The following MCOLN1 variants were observed in gnomAD, a reference collection of about 807,000 sequenced individuals.
The protein encoded by MCOLN1 is mucolipin-1.
In MCOLN1, 50 loss-of-function variants were observed where a neutral mutation model predicts 70.3. The observed-to-expected ratio is 0.71, with a 90% confidence interval of 0.57 to 0.90. The LOEUF (loss-of-function observed/expected upper bound fraction) is 0.90. Ranked by LOEUF, MCOLN1 falls within the 40% of genes least tolerant of loss-of-function variation. The pLI, the probability that MCOLN1 is intolerant of heterozygous loss-of-function variation, is 0.00. For synonymous variants in MCOLN1, 366 were observed against 341.0 expected (o/e 1.07, Z -0.81); for missense variants, 598 against 803.5 (o/e 0.74, Z 3.09).
At position 7,527,978 on chromosome 19, in the gene MCOLN1, C is replaced by T. The variant is rs1457590095; in HGVS notation, c.777+18C>T. The T allele has an allele frequency of 2.5e-6, 4 of 1,603,736 alleles. No individual in the cohort carries two copies. Among genetic ancestry groups the T allele is most frequent in the Non-Finnish European group, 3.4e-6 (4 of 1,170,592 alleles). On this transcript the variant is annotated intron_variant, in intron 6 of 13. Transcript: ENST00000264079. ...GCGTCCTGGTGAGGCCCCCCGGGAA[C>T]CCACAGGGCTCCTGAGTTCCAGGGC...
chr19:7,530,168 ATTCATGTGGGGCC>A, intron 11 of MCOLN1, 105 bp from the exon 12 acceptor site: 41 of 421,718 alleles, frequency 9.7e-5, no homozygotes, highest in Middle Eastern at 9.5e-4. Flanking sequence ...GGACCCGGCC[ATTCATGTGGGGCC>A]CCAGCCACCA....
chr19:7,528,038 G>A lies in MCOLN1; in HGVS notation c.777+78G>A. ...GTCAGGGAGTGTCTTGGGAGCACTG[G>A]CCAAGGGCAAGCGTGCGGGTGATGA... On this transcript the variant is annotated intron_variant, in intron 6 of 13. Transcript: ENST00000264079. The surrounding 1 kb of genome is among the most constrained non-coding windows in gnomAD (Gnocchi z 4.2). 1.3e-6 allele frequency: 2 copies of A among 1,535,446 alleles called. No individual in the cohort carries two copies. The highest frequency in any genetic ancestry group is 9.0e-7 in the Non-Finnish European group (1 of 1,108,816).
In MCOLN1 at chr19:7,530,382, C is replaced by T. The variant is rs2022638561; in HGVS notation, c.1456C>T (p.Arg486Cys). The stretch of plus-strand genomic sequence containing the variant: ...CGCCGCCATGCAGGCGCAGCAGGGC[C>T]GCAGCAGCCTGGTGTGGCTCTTCTC... ...TFAAMQAQQGRSSLVWLFSQL... is the reference protein window; with the variant it reads ...TFAAMQAQQGCSSLVWLFSQL... Residue 486 changes from arginine (R) to cysteine (C), a missense_variant, in exon 12 of 14, where the codon CGC becomes TGC. Coordinates refer to ENST00000264079, the MANE Select transcript of MCOLN1 (RefSeq NM_020533.3). The T allele has an allele frequency of 4.3e-6, 7 of 1,613,942 alleles. No individual in the cohort carries two copies. The highest frequency in any genetic ancestry group is 2.2e-5 in the East Asian group (1 of 44,882).
chr19:7,532,984 C>T (rs146672900), intron 12 of MCOLN1, among the ~76,000 whole-genome samples: 2 of 152,346 alleles, frequency 1.3e-5, no homozygotes, highest in Non-Finnish European at 2.9e-5. Flanking sequence ...CTCCATGAGG[C>T]CGAGTGAGAG....
chr19:7,530,981 T>C (rs1333470251), intron 12 of MCOLN1, among the ~76,000 whole-genome samples: 1 of 152,178 alleles, frequency 6.6e-6, no homozygotes, highest in Non-Finnish European at 1.5e-5. Flanking sequence ...CCTCAGGAGA[T>C]CTACTGCCTT....
rs756314123 is a variant in MCOLN1, at chr19:7,527,936, G to A, written c.753G>A (p.Pro251=). Reference sequence around the variant, plus strand: ...AGAGCCTCATCAATAATGAGATCCCGGACTGCTATACCTTCAGCGTCCTGG... The same window carrying A: ...AGAGCCTCATCAATAATGAGATCCCAGACTGCTATACCTTCAGCGTCCTGG... ...NLQSLINNEI[P]DCYTFSVLIT... Residue 251 remains proline (P), a synonymous_variant, in exon 6 of 14, where the codon CCG becomes CCA. Coordinates refer to ENST00000264079, the MANE Select transcript of MCOLN1 (RefSeq NM_020533.3). The A allele has an allele frequency of 2.5e-5, 41 of 1,613,980 alleles. No homozygotes were observed. Among genetic ancestry groups the A allele is most frequent in the Admixed American group, 1.7e-4 (10 of 60,006 alleles).
chr19:7,527,542 C>G lies in MCOLN1; in HGVS notation c.594C>G (p.Pro198=), dbSNP rs377757971. The change falls in exon 5 of 14, where the codon CCC becomes CCG. Residue 198 remains proline, a synonymous_variant. Transcript: ENST00000264079. ...VVTDCIQVDP[P]ERPPPPPSDD... ...TAGACTGCATCCAGGTGGATCCCCC[C>G]GAGCGGCCCCCTCCGCCCCCCAGCG... 11 of 1,583,204 alleles carry G rather than the reference C, an allele frequency of 6.9e-6. No individual in the cohort carries two copies. In the African/African-American group the frequency reaches 1.1e-4, roughly 15 times the overall value.
intron 12 of MCOLN1, among the ~76,000 whole-genome samples, chr19:7,532,475 AG>A (rs563220052): frequency 7.2e-4 from 98 of 135,560 alleles, no homozygotes; most frequent in African/African-American, 2.4e-3. Flanking sequence ...TGGGAGGCCG[AG>A]GGGGGGTGGG....
rs942253452 is a variant in MCOLN1 at position 7,522,657 on chromosome 19, C to G, written c.-94C>G. ...GCTGATGCCGGAGGGTTTGAAGCCGCGCCGCGAGGGAGCGAGGTCGCAGTG... is the reference window on the plus strand; with the variant it reads ...GCTGATGCCGGAGGGTTTGAAGCCGGGCCGCGAGGGAGCGAGGTCGCAGTG... On this transcript the variant is annotated 5_prime_UTR_variant, in exon 1 of 14. Coordinates refer to ENST00000264079, the MANE Select transcript of MCOLN1 (RefSeq NM_020533.3). The G allele has an allele frequency of 3.0e-6, 4 of 1,329,866 alleles. No individual in the cohort carries two copies. Among genetic ancestry groups the G allele is most frequent in the South Asian group, 3.0e-5 (2 of 66,764 alleles). 82.4% of individuals were successfully genotyped at this position (1,329,866 alleles called of 1,614,324 possible).
Position 7,526,959 on chromosome 19 carries a change from A to G in MCOLN1, c.571+33A>G. The G allele has an allele frequency of 6.2e-7, 1 of 1,613,522 alleles. No individual in the cohort carries two copies. The highest frequency in any genetic ancestry group is 8.5e-7 in the Non-Finnish European group (1 of 1,179,780). The stretch of plus-strand genomic sequence containing the variant: ...GGCAGGACGAGGCTTCACTGTTGGG[A>G]GCCTGAGCTGCTGGGATTAAAATCA... On this transcript the variant is annotated intron_variant, in intron 4 of 13. Coordinates refer to ENST00000264079, the MANE Select transcript of MCOLN1 (RefSeq NM_020533.3). This position sits in a 1 kb window ranked among gnomAD's most constrained non-coding sequence, Gnocchi z 4.6.
At position 7,524,877 on chromosome 19, in the gene MCOLN1, G is replaced by T. The variant is rs1458840478; in HGVS notation, c.32-84G>T. 1.8e-6 allele frequency: 2 copies of T among 1,101,278 alleles called. No individual in the cohort carries two copies. Among genetic ancestry groups the T allele is most frequent in the Non-Finnish European group, 2.8e-6 (2 of 726,844 alleles). The allele number at this position is 1,101,278 out of a possible 1,614,324, so 68.2% of individuals were successfully genotyped here. A position where few individuals can be genotyped will look rare whatever the true frequency, so the allele number is the denominator to read the frequency against. ...CAGGAGCATGGGGACATGAAGATAG[G>T]GCGTGTGCTGCCTTCCTGGTTGGAG... On this transcript the variant is annotated intron_variant, in intron 1 of 13. Transcript: ENST00000264079. The surrounding 1 kb of genome is among the most constrained non-coding windows in gnomAD (Gnocchi z 4.1).
Position 7,526,987 on chromosome 19 carries a change from A to G in MCOLN1, c.571+61A>G. On this transcript the variant is annotated intron_variant, in intron 4 of 13. Transcript: ENST00000264079. This position sits in a 1 kb window ranked among gnomAD's most constrained non-coding sequence, Gnocchi z 4.6. ...CTGAGCTGCTGGGATTAAAATCAAC[A>G]GCTGTGGCTGGGCACGGTGGCTCAC... 1 of 1,607,454 alleles carries G rather than the reference A, an allele frequency of 6.2e-7. No individual in the cohort carries two copies. The highest frequency in any genetic ancestry group is 8.5e-7 in the Non-Finnish European group (1 of 1,175,284).
rs1376922981 is a variant in MCOLN1, at chr19:7,524,368, G to A, written c.32-593G>A. On this transcript the variant is annotated intron_variant, in intron 1 of 13. Transcript: ENST00000264079. The surrounding 1 kb of genome is among the most constrained non-coding windows in gnomAD (Gnocchi z 4.1). ...CAATTACCTCTTCTCCAGGTCCTTG[G>A]CTTCTGAGAGTGTCAGCTGATGGGC... 1.3e-5 allele frequency among the ~76,000 whole-genome samples: 2 copies of A among 152,260 alleles called. No individual in the cohort carries two copies. The highest frequency in any genetic ancestry group is 2.9e-5 in the Non-Finnish European group (2 of 68,024).
Position 7,528,806 on chromosome 19 carries a change from G to C in MCOLN1, c.985-15G>C, listed in dbSNP as rs199860642. The C allele has an allele frequency of 5.2e-5, 84 of 1,614,168 alleles. No homozygotes were observed. Among genetic ancestry groups the C allele is most frequent in the Admixed American group, 2.0e-4 (12 of 60,022 alleles). ...CTGTGCCTGGTCAGGCCCTCACCCCGCCTGCCTTCTGCAGGAGTTTGTGGG... is the reference window on the plus strand; with the variant it reads ...CTGTGCCTGGTCAGGCCCTCACCCCCCCTGCCTTCTGCAGGAGTTTGTGGG... On this transcript the variant is annotated splice_polypyrimidine_tract_variant and intron_variant, in intron 8 of 13. Coordinates refer to ENST00000264079, the MANE Select transcript of MCOLN1 (RefSeq NM_020533.3). The surrounding 1 kb of genome is among the most constrained non-coding windows in gnomAD (Gnocchi z 4.2).
chr19:7,522,659 C>T lies in MCOLN1; in HGVS notation c.-92C>T. ...TGATGCCGGAGGGTTTGAAGCCGCG[C>T]CGCGAGGGAGCGAGGTCGCAGTGAC... On this transcript the variant is annotated 5_prime_UTR_variant, in exon 1 of 14. Transcript: ENST00000264079. 7.5e-7 allele frequency: 1 copy of T among 1,342,152 alleles called. No individual in the cohort carries two copies. The highest frequency in any genetic ancestry group is 3.0e-5 in the East Asian group (1 of 33,164). 83.1% of individuals were successfully genotyped at this position (1,342,152 alleles called of 1,614,324 possible).
intron 9 of MCOLN1, 64 bp downstream of exon 9, chr19:7,529,034 A>G (rs1294062157): frequency 3.1e-6 from 5 of 1,613,310 alleles, no homozygotes; most frequent in African/African-American, 2.7e-5. Flanking sequence ...ATCCGGGGCC[A>G]TATCCTCCCC....
rs779790863 is a variant in MCOLN1 at position 7,527,547 on chromosome 19, G to A, written c.599G>A (p.Arg200Gln). 9.4e-6 allele frequency: 15 copies of A among 1,594,872 alleles called. No individual in the cohort carries two copies. Among genetic ancestry groups the A allele is most frequent in the African/African-American group, 4.0e-5 (3 of 74,510 alleles). ...TDCIQVDPPE[R>Q]PPPPPSDDLT... ...TGCATCCAGGTGGATCCCCCCGAGC[G>A]GCCCCCTCCGCCCCCCAGCGACGAT... is the stretch of plus-strand genomic sequence containing the variant. Residue 200 changes from arginine to glutamine, a missense_variant, in exon 5 of 14, where the codon CGG becomes CAG. By Grantham distance (43) the Arg-to-Gln change is conservative. Coordinates refer to ENST00000264079, the MANE Select transcript of MCOLN1 (RefSeq NM_020533.3).
In MCOLN1 at chr19:7,528,111, G is replaced by C. The variant is rs1212592051; in HGVS notation, c.778-47G>C. 2 of 1,596,208 alleles carry C rather than the reference G, an allele frequency of 1.3e-6. No homozygotes were observed. ...AGGCCACCTGTCATGTGGACCTTGG[G>C]GCTTGGGGCTGCCAAGGTTTACTCT... On this transcript the variant is annotated intron_variant, in intron 6 of 13. Transcript: ENST00000264079. The surrounding 1 kb of genome is among the most constrained non-coding windows in gnomAD (Gnocchi z 4.2).
intron 5 of MCOLN1, 98 bp downstream of exon 5, chr19:7,527,726 C>T (rs1016502280): frequency 9.2e-7 from 1 of 1,082,118 alleles, no homozygotes; most frequent in East Asian, 2.4e-5. Flanking sequence ...GGACAGGGCC[C>T]CCCCGCCCGC....
Sources: gnomAD v4.1 joint callset for allele counts (sites outside exome capture counted in the v4.1 genomes callset) on GRCh38, gnomAD v4.1.1 for gene constraint, Gnocchi (gnomAD v3.1) non-coding constraint, MANE v1.5 for transcripts, NCBI Gene and HGNC (gene_info 2026-07-23, HGNC 2026-07-21) for gene names.